EIF4G3: variants seen among roughly 807,000 people sequenced by gnomAD.
EIF4G3 encodes the protein eIF-4-gamma 3.
EIF4G3 carries 34 observed loss-of-function variants against 186.4 expected under a neutral mutation model. The ratio of observed to expected loss-of-function variants is 0.18; its 90% confidence interval spans 0.14 to 0.24. The LOEUF is 0.24. Ranked by LOEUF, EIF4G3 falls within the 10% of genes least tolerant of loss-of-function variation. The pLI, the probability that EIF4G3 is intolerant of heterozygous loss-of-function variation, is 1.00. For missense variants in EIF4G3, 1,536 were observed against 1,948.5 expected (o/e 0.79, Z 3.99); for synonymous variants, 673 against 679.5 (o/e 0.99, Z 0.15).
chr1:20,992,974 T>A (rs755767430), intron 7 of EIF4G3, among the ~76,000 whole-genome samples: 1 of 152,194 alleles, frequency 6.6e-6, no homozygotes, highest in Non-Finnish European at 1.5e-5. Flanking sequence ...TTTTCAAGCA[T>A]CAGTGCAAAA....
intron 2 of EIF4G3, among the ~76,000 whole-genome samples, chr1:21,163,828 G>A (rs1179136731): frequency 6.6e-6 from 1 of 152,142 alleles, no homozygotes; most frequent in Non-Finnish European, 1.5e-5. Flanking sequence ...CTGGAGTACA[G>A]TGGCGTGATC....
Position 20,819,824 on chromosome 1 carries a change from T to A in EIF4G3, c.4369-2286A>T, listed in dbSNP as rs558036289. ...TAGAACAAACCTGCACATGTACCCC[T>A]GACCTTAAAATAAAAGTTAAATTAA... On this transcript the variant is annotated intron_variant, in intron 33 of 36. Transcript: ENST00000602326. Among the ~76,000 whole-genome samples the A allele has an allele frequency of 2.8e-4, 42 of 151,984 alleles. No homozygotes were observed. In the Middle Eastern group the frequency reaches 0.01, roughly 37 times the overall value.
At chr1:21,135,479 C>A (rs1396559275) in intron 2 of EIF4G3, among the ~76,000 whole-genome samples, 3 of 152,014 alleles carry the variant, frequency 2.0e-5, no homozygotes, top group Non-Finnish European at 4.4e-5. Flanking sequence ...CCAGCCTGGG[C>A]AACAAGAGCG....
chr1:20,832,070 C>T lies in EIF4G3; in HGVS notation c.4062-2798G>A, dbSNP rs1183526921. On this transcript the variant is annotated intron_variant, in intron 30 of 36. Transcript: ENST00000602326. ...TGTGAATAATGCCGCAATAAACACA[C>T]GTGTGCATGTGTCTTTACAGCAGCA... Among the ~76,000 whole-genome samples, 11 of 143,754 alleles carry T rather than the reference C, an allele frequency of 7.7e-5. No homozygotes were observed. The East Asian group carries it at 1.0e-3, about 14-fold the overall frequency. 94.3% of individuals were successfully genotyped at this position (143,754 alleles called of 152,430 possible). A position where few individuals can be genotyped will look rare whatever the true frequency, so the allele number is the denominator to read the frequency against.
At chr1:21,082,103 A>T (rs2095808065) in intron 3 of EIF4G3, among the ~76,000 whole-genome samples, 1 of 150,668 alleles carries the variant, frequency 6.6e-6, no homozygotes, top group African/African-American at 2.4e-5. Flanking sequence ...GCCAAGTCTG[A>T]CTTTTAATGC....
At chr1:20,896,971 CTTT>C (rs1278267582) in intron 16 of EIF4G3, among the ~76,000 whole-genome samples, 1 of 152,156 alleles carries the variant, frequency 6.6e-6, no homozygotes, top group Non-Finnish European at 1.5e-5. Context: ...TGCAAATACT[CTTT>C]TGTTTGCACA....
At chr1:20,817,684 T>G (rs1052050685) in intron 33 of EIF4G3, 146 bp from the exon 34 acceptor site, 11 of 113,262 alleles carry the variant, frequency 9.7e-5, no homozygotes, top group East Asian at 5.7e-4. Context: ...GTTTGTAGTT[T>G]TTTTTTTTTT....
chr1:21,001,715 T>C (rs1281833224), intron 5 of EIF4G3, among the ~76,000 whole-genome samples: 2 of 152,180 alleles, frequency 1.3e-5, no homozygotes, highest in African/African-American at 4.8e-5. Context: ...GAACAGGTAT[T>C]GGAGAACAGG....
At chr1:20,853,791 G>A in intron 26 of EIF4G3, 114 bp from the exon 27 acceptor site, 1 of 727,138 alleles carries the variant, frequency 1.4e-6, no homozygotes, top group Non-Finnish European at 2.4e-6. Context: ...ACAAGCTTAG[G>A]TGACGCCCAT....
chr1:21,061,892 C>T lies in EIF4G3; in HGVS notation c.-195-10898G>A, dbSNP rs532742217. On this transcript the variant is annotated intron_variant, in intron 3 of 36. Coordinates refer to ENST00000602326, the MANE Select transcript of EIF4G3 (RefSeq NM_001391906.1). ...CCTCCCAAGTAGCTGGGACTACAGGCACATGCCACCATGCCTGGCTAATTT... is the reference window on the plus strand; with the variant it reads ...CCTCCCAAGTAGCTGGGACTACAGGTACATGCCACCATGCCTGGCTAATTT... 2.0e-5 allele frequency among the ~76,000 whole-genome samples: 3 copies of T among 151,588 alleles called. No individual in the cohort carries two copies. The South Asian group carries it at 6.3e-4, about 32-fold the overall frequency.
chr1:20,891,743 T>G (rs1263463969), intron 18 of EIF4G3, among the ~76,000 whole-genome samples: 1 of 148,008 alleles, frequency 6.8e-6, no homozygotes, highest in Non-Finnish European at 1.5e-5. Context: ...TGAGTGGAGA[T>G]CACGCCACTG....
chr1:20,842,060 TAA>T (rs977275019), intron 29 of EIF4G3, among the ~76,000 whole-genome samples: 11 of 152,232 alleles, frequency 7.2e-5, no homozygotes, highest in South Asian at 2.1e-4. Flanking sequence ...ACAGAAAAAT[TAA>T]AGAGTCATAC....
intron 4 of EIF4G3, among the ~76,000 whole-genome samples, chr1:21,031,146 ACT>A (rs2092703731): frequency 6.6e-6 from 1 of 151,982 alleles, no homozygotes; most frequent in Non-Finnish European, 1.5e-5. Context: ...AGATCACACC[ACT>A]GCACTCCAGC....
At chr1:21,095,613 T>C (rs969385203) in intron 2 of EIF4G3, among the ~76,000 whole-genome samples, 1 of 152,160 alleles carries the variant, frequency 6.6e-6, no homozygotes, top group African/African-American at 2.4e-5. Flanking sequence ...ACACCTGACC[T>C]ATATTAGATT....
intron 2 of EIF4G3, among the ~76,000 whole-genome samples, chr1:21,113,975 C>G (rs1360463970): frequency 6.6e-6 from 1 of 152,126 alleles, no homozygotes; most frequent in Non-Finnish European, 1.5e-5. Context: ...ATGATCACAG[C>G]ACTACACTCC....
intron 2 of EIF4G3, among the ~76,000 whole-genome samples, chr1:21,154,737 T>G (rs61779120): frequency 2.0e-5 from 3 of 152,110 alleles, no homozygotes; most frequent in Non-Finnish European, 2.9e-5. Flanking sequence ...AATAAGGAGA[T>G]GCAGATATAT....
chr1:20,935,266 A>T (rs1429936877), intron 14 of EIF4G3, among the ~76,000 whole-genome samples: 1 of 152,196 alleles, frequency 6.6e-6, no homozygotes, highest in Non-Finnish European at 1.5e-5. Context: ...CATCAGCAAA[A>T]CAGAAATAAC....
intron 25 of EIF4G3, 95 bp from the exon 26 acceptor site, chr1:20,855,166 T>A (rs1291707848): frequency 1.1e-6 from 1 of 934,916 alleles, no homozygotes; most frequent in African/African-American, 1.7e-5. Context: ...TAGAACCAAT[T>A]TTAGCAACAA....
At chr1:21,108,329 CAT>C (rs1483437886) in intron 2 of EIF4G3, among the ~76,000 whole-genome samples, 1 of 152,070 alleles carries the variant, frequency 6.6e-6, no homozygotes, top group African/African-American at 2.4e-5. Flanking sequence ...CCCTGTATTA[CAT>C]ATAAACTACT....
Sources: allele counts gnomAD v4.1 joint callset (sites outside exome capture counted in the v4.1 genomes callset), GRCh38; gene constraint gnomAD v4.1.1; transcripts MANE v1.5; gene names NCBI Gene and HGNC (gene_info 2026-07-23, HGNC 2026-07-21).